The following MUC4 variants were observed in gnomAD, a reference collection of about 807,000 sequenced individuals.
MUC4 encodes mucin-4.
MUC4 carries 202 observed loss-of-function variants against 257.9 expected under a neutral mutation model. The ratio of observed to expected loss-of-function variants is 0.78; its 90% CI spans 0.70 to 0.88. The LOEUF (loss-of-function observed/expected upper bound fraction) is 0.88. Among genes scored for constraint, MUC4 ranks in the 40% least tolerant of loss-of-function variants. The pLI, the probability that MUC4 is intolerant of heterozygous loss-of-function variation, is 0.00. For missense variants in MUC4, 5,976 were observed against 6,513.7 expected, an observed-to-expected ratio of 0.92 and a Z score of 2.84; for synonymous variants, 2,351 against 2,757.1, an observed-to-expected ratio of 0.85 and a Z score of 4.62.
intron 1 of MUC4, among the ~76,000 whole-genome samples, chr3:195,804,638 G>T (rs867718582): frequency 6.6e-6 from 1 of 152,218 alleles, no homozygotes. Flanking sequence ...GACGGGTGGG[G>T]CCCCTTGCCA....
chr3:195,788,976 G>C lies in MUC4; in HGVS notation c.2604C>G (p.Val868=). The part of the protein sequence containing the change: ...PVSTGMASSI[V]PGTFHPTLSE... Reference sequence around the variant, plus strand: ...AGAGGGTGGGATGAAAGGTGCCGGGGACGATCGAAGACGCCATTCCTGTGC... The same window carrying C: ...AGAGGGTGGGATGAAAGGTGCCGGGCACGATCGAAGACGCCATTCCTGTGC... The change falls in exon 2 of 25, where the codon GTC becomes GTG. Residue 868 remains valine (V), a synonymous_variant. Coordinates refer to ENST00000463781, the MANE Select transcript of MUC4 (RefSeq NM_018406.7). 6.2e-7 allele frequency: 1 copy of C among 1,613,772 alleles called. No individual in the cohort carries two copies. The highest frequency in any genetic ancestry group is 8.5e-7 in the Non-Finnish European group (1 of 1,179,818).
rs1372221441 is a variant in MUC4 at position 195,786,429 on chromosome 3, G to A, written c.5151C>T (p.Ser1717=). Residue 1717 remains serine, a synonymous_variant, in exon 2 of 25, where the codon AGC becomes AGT. Coordinates refer to ENST00000463781, the MANE Select transcript of MUC4 (RefSeq NM_018406.7). ...TGTCACCTGTGGATACTGAGGAAAGGCTGGTGACAGGAAGAGGGGTGGCCT... is the reference window on the plus strand; with the variant it reads ...TGTCACCTGTGGATACTGAGGAAAGACTGGTGACAGGAAGAGGGGTGGCCT... ...TGQATPLPVT[S]LSSVSTGDTT... 4.6e-6 allele frequency: 7 copies of A among 1,528,968 alleles called. No homozygotes were observed. The highest frequency in any genetic ancestry group is 4.4e-4 in the Middle Eastern group (2 of 4,504). 94.7% of individuals were successfully genotyped at this position (1,528,968 alleles called of 1,614,324 possible).
At chr3:195,791,604 T>A (rs1733878953) in intron 1 of MUC4, 107 bp from the exon 2 acceptor site, 2 of 734,434 alleles carry the variant, frequency 2.7e-6, no homozygotes, top group Admixed American at 2.5e-5. Flanking sequence ...TAACAAAGGA[T>A]GTGAAAACTA....
chr3:195,777,029 C>G (rs867803184), intron 3 of MUC4, among the ~76,000 whole-genome samples: 3 of 9,016 alleles, frequency 3.3e-4, no homozygotes, highest in African/African-American at 1.4e-3. Context: ...ACCTTCCACA[C>G]CCATACCTTC....
chr3:195,748,381 T>C (rs1349633859), intron 24 of MUC4, among the ~76,000 whole-genome samples: 1 of 152,244 alleles, frequency 6.6e-6, no homozygotes, highest in Non-Finnish European at 1.5e-5. Context: ...CTGACCAACA[T>C]GGCGAAACCC....
At chr3:195,761,341 G>A in intron 15 of MUC4, 143 bp downstream of exon 15, 1 of 777,904 alleles carries the variant, frequency 1.3e-6, no homozygotes, top group Non-Finnish European at 2.1e-6. Context: ...GGCTGGTGGT[G>A]GTGGGGACAG....
intron 4 of MUC4, among the ~76,000 whole-genome samples, chr3:195,773,327 G>C (rs1386788667): frequency 8.3e-6 from 1 of 120,980 alleles, no homozygotes. Context: ...CGCTCAGCAG[G>C]TGTAGGCACC....
intron 21 of MUC4, chr3:195,751,543 A>G (rs1275008699): frequency 1.1e-5 from 6 of 562,270 alleles, no homozygotes; most frequent in Non-Finnish European, 1.9e-5. Flanking sequence ...TCTGACATGA[A>G]TGGCCCCTAC....
chr3:195,792,978 G>A (rs1734056539), intron 1 of MUC4, among the ~76,000 whole-genome samples: 3 of 152,274 alleles, frequency 2.0e-5, no homozygotes, highest in South Asian at 2.1e-4. Context: ...ACTGGCGCCT[G>A]TCAGGGACGG....
chr3:195,761,403 C>T, intron 15 of MUC4, 81 bp downstream of exon 15: 1 of 1,241,484 alleles, frequency 8.1e-7, no homozygotes, highest in Non-Finnish European at 1.2e-6. Context: ...AGGTCTGCTT[C>T]CTACAGGGCC....
Position 195,789,851 on chromosome 3 carries a change from C to CCT in MUC4, c.1727_1728dup (p.Ala577ArgfsTer11). On this transcript the variant is annotated frameshift_variant, in exon 2 of 25. Coordinates refer to ENST00000463781, the MANE Select transcript of MUC4 (RefSeq NM_018406.7). LOFTEE classifies it high-confidence loss of function. The stretch of plus-strand genomic sequence containing the variant: ...CTGTAGCTTGGGCTGCTGAGAAGAG[C>CCT]CTCTCCAGTGGTCCCCGTTTCTTGT... 1.9e-6 allele frequency: 3 copies of CCT among 1,613,966 alleles called. No individual in the cohort carries two copies. The highest frequency in any genetic ancestry group is 1.7e-6 in the Non-Finnish European group (2 of 1,179,870).
At chr3:195,767,854 C>T (rs374396634) in intron 7 of MUC4, among the ~76,000 whole-genome samples, 44 of 147,062 alleles carry the variant, frequency 3.0e-4, no homozygotes, top group African/African-American at 1.1e-3. Flanking sequence ...CCATCGCCAC[C>T]ATCACCCCCA....
Position 195,783,033 on chromosome 3 carries a change from A to C in MUC4, c.8547T>G (p.Leu2849=), listed in dbSNP as rs1260587037. 15 of 1,169,822 alleles carry C rather than the reference A, an allele frequency of 1.3e-5. 1 individual carries two copies. Among genetic ancestry groups the C allele is most frequent in the Non-Finnish European group, 1.7e-5 (15 of 866,008 alleles). 72.5% of individuals were successfully genotyped at this position (1,169,822 alleles called of 1,614,324 possible). A position where few individuals can be genotyped will look rare whatever the true frequency, so the allele number is the denominator to read the frequency against. ...SSASSGHTTP[L]PVTDASSVST... Reference sequence around the variant, plus strand: ...ACACTGAGGAAGCGTCGGTGACAGGAAGAGGGGTGGTGTGACCTGAGGATG... The same window carrying C: ...ACACTGAGGAAGCGTCGGTGACAGGCAGAGGGGTGGTGTGACCTGAGGATG... Residue 2849 remains leucine, a synonymous_variant, in exon 2 of 25, where the codon CTT becomes CTG. Transcript: ENST00000463781.
intron 7 of MUC4, among the ~76,000 whole-genome samples, chr3:195,767,793 C>A (rs1391905627): frequency 1.4e-5 from 1 of 73,212 alleles, no homozygotes; most frequent in African/African-American, 5.3e-5. Context: ...ACCATCATTG[C>A]CACCACCATC....
In MUC4 at chr3:195,751,255, C is replaced by T. The variant is rs771215627; in HGVS notation, c.15599G>A (p.Gly5200Glu). 20 of 1,606,928 alleles carry T rather than the reference C, an allele frequency of 1.2e-5. No homozygotes were observed. The highest frequency in any genetic ancestry group is 1.5e-5 in the Non-Finnish European group (18 of 1,177,172). ...EVNASVAYRL[G>E]TLDMRAFLRN... ...GAGAAAGGCCCGCATGTCCAGGGTC[C>T]CCAGTCTGTATGCCACCTAGGTTAG... Residue 5200 changes from glycine to glutamate, a missense_variant, in exon 22 of 25, where the codon GGG (glycine) becomes GAG (glutamate). By Grantham distance (98) the Gly-to-Glu change is moderately conservative (BLOSUM62 -2). Coordinates refer to ENST00000463781, the MANE Select transcript of MUC4 (RefSeq NM_018406.7).
intron 1 of MUC4, among the ~76,000 whole-genome samples, chr3:195,808,346 G>C (rs1736252468): frequency 6.6e-6 from 1 of 152,076 alleles, no homozygotes; most frequent in Non-Finnish European, 1.5e-5. Context: ...CTCCCGAGTA[G>C]CTGGAATTAC....
intron 2 of MUC4, 147 bp downstream of exon 2, chr3:195,778,643 C>T: frequency 8.0e-7 from 1 of 1,242,990 alleles, no homozygotes; most frequent in Non-Finnish European, 1.1e-6. Context: ...AGCCTGTCAC[C>T]CACCACACCC....
At position 195,790,472 on chromosome 3, in the gene MUC4, A is replaced by G. The variant is rs754057589; in HGVS notation, c.1108T>C (p.Phe370Leu). 5 of 1,613,998 alleles carry G rather than the reference A, an allele frequency of 3.1e-6. No homozygotes were observed. The East Asian group carries it at 1.1e-4, about 36-fold the overall frequency. Residue 370 changes from phenylalanine (F) to leucine (L), a missense_variant, in exon 2 of 25, where the codon TTC becomes CTC. By Grantham distance (22) the Phe-to-Leu change is conservative (BLOSUM62 0). Coordinates refer to ENST00000463781, the MANE Select transcript of MUC4 (RefSeq NM_018406.7). The stretch of plus-strand genomic sequence containing the variant: ...GAGGTGGTTGTTTCACCAGAAGGGA[A>G]TGTCTCCTGAGAAACTGTTCCACTT... ...NPSGTVSQET[F>L]PSGETTTSSP...
chr3:195,794,933 G>C (rs1354078055), intron 1 of MUC4, among the ~76,000 whole-genome samples: 1 of 152,208 alleles, frequency 6.6e-6, no homozygotes. Context: ...GTGGACAAAG[G>C]CACGGGCTGA....
Sources: gnomAD v4.1 joint callset for allele counts (sites outside exome capture counted in the v4.1 genomes callset) on GRCh38, gnomAD v4.1.1 for gene constraint, MANE v1.5 for transcripts, NCBI Gene and HGNC (gene_info 2026-07-23, HGNC 2026-07-21) for gene names.